Variants in PADI1 observed in about 807,000 individuals in gnomAD.
The protein encoded by PADI1 is peptidyl arginine deiminase 1.
A neutral mutation model predicts 74.8 loss-of-function variants in PADI1; 65 were observed. That is an observed-to-expected ratio of 0.87 (90% confidence interval 0.71 to 1.07). PADI1 has a LOEUF of 1.07. Among genes scored for constraint, PADI1 ranks in the 50% least tolerant of loss-of-function variants. PADI1 has a pLI of 0.00. For synonymous variants in PADI1, 371 were observed against 336.2 expected, an observed-to-expected ratio of 1.10 and a Z score of -1.13; for missense variants, 943 against 854.0, an observed-to-expected ratio of 1.10 and a Z score of -1.30.
At chr1:17,243,580 G>T (rs1244470564) in intron 15 of PADI1, among the ~76,000 whole-genome samples, 1 of 152,318 alleles carries the variant, frequency 6.6e-6, no homozygotes, top group East Asian at 1.9e-4. Context: ...GCTGTGCACA[G>T]CAAAAGCACA....
chr1:17,243,974 C>A, intron 15 of PADI1, 36 bp from the exon 16 acceptor site: 2 of 1,476,766 alleles, frequency 1.4e-6, no homozygotes, highest in South Asian at 2.4e-5. Flanking sequence ...GCACTTATAG[C>A]CAGACAGCCT....
chr1:17,220,852 C>T (rs2100439643), intron 1 of PADI1, among the ~76,000 whole-genome samples: 1 of 152,344 alleles, frequency 6.6e-6, no homozygotes, highest in East Asian at 1.9e-4. Flanking sequence ...GAATGAGATG[C>T]CACCCACAGA....
chr1:17,233,762 A>G (rs1337752720), intron 11 of PADI1, among the ~76,000 whole-genome samples: 1 of 152,180 alleles, frequency 6.6e-6, no homozygotes, highest in Non-Finnish European at 1.5e-5. Flanking sequence ...CTGGCTGACC[A>G]TCTGGTCTCC....
intron 10 of PADI1, among the ~76,000 whole-genome samples, 160 bp downstream of exon 10, chr1:17,230,839 G>A (rs796943160): frequency 6.6e-5 from 10 of 152,216 alleles, no homozygotes; most frequent in African/African-American, 1.9e-4. Context: ...GAGCCAGTGC[G>A]GAGTTTGGGC....
At chr1:17,225,306 A>G (rs1569799477) in intron 4 of PADI1, among the ~76,000 whole-genome samples, 1 of 152,064 alleles carries the variant, frequency 6.6e-6, no homozygotes, top group Non-Finnish European at 1.5e-5. Context: ...AGGCAGGGAG[A>G]GCTCCAGCCA....
chr1:17,214,254 C>T (rs1557451489), intron 1 of PADI1, among the ~76,000 whole-genome samples: 1 of 152,094 alleles, frequency 6.6e-6, no homozygotes, highest in African/African-American at 2.4e-5. Flanking sequence ...CAGTTGGAGG[C>T]CATGCTCCAC....
chr1:17,228,200 C>CA (rs1335178128), intron 6 of PADI1, among the ~76,000 whole-genome samples: 1 of 152,202 alleles, frequency 6.6e-6, no homozygotes. Context: ...CTATGTTACC[C>CA]AGGCTGGTCT....
rs1410431118 is a variant in PADI1, at chr1:17,228,985, G to A, written c.863G>A (p.Gly288Asp). The change falls in exon 8 of 16, where the codon GGC becomes GAC. Residue 288 changes from glycine to aspartate, a missense_variant. Transcript: ENST00000375471. ...GTGACCCTCTTCACAGACACTGTGG[G>A]CTTCCGCATGGCCCCCTGGATCATG... is the stretch of plus-strand genomic sequence containing the variant. Reference protein sequence around the residue: ...PEVTLFTDTVGFRMAPWIMTP... With the variant: ...PEVTLFTDTVDFRMAPWIMTP... The A allele has an allele frequency of 1.3e-6, 2 of 1,598,588 alleles. No homozygotes were observed. The highest frequency in any genetic ancestry group is 1.7e-5 in the Admixed American group (1 of 57,614).
chr1:17,242,286 CT>C (rs2072793255), intron 15 of PADI1, among the ~76,000 whole-genome samples: 1 of 152,054 alleles, frequency 6.6e-6, no homozygotes, highest in Non-Finnish European at 1.5e-5. Context: ...GCAGTGTTGT[CT>C]GTTAGAACAT....
At position 17,237,184 on chromosome 1, in the gene PADI1, G is replaced by T. The variant is rs963851056; in HGVS notation, c.1314-130G>T. 3.8e-6 allele frequency: 4 copies of T among 1,044,182 alleles called. No homozygotes were observed. The East Asian group carries it at 7.5e-5, about 19-fold the overall frequency. 64.7% of individuals were successfully genotyped at this position (1,044,182 alleles called of 1,614,324 possible). On this transcript the variant is annotated intron_variant, in intron 11 of 15. Transcript: ENST00000375471. The stretch of plus-strand genomic sequence containing the variant: ...TTCTCTGCTGTCTTGGCTTCTCCAC[G>T]CTCTACGCCCCACGTTTAAAGCGTT...
chr1:17,207,931 G>A (rs1186368449), intron 1 of PADI1, among the ~76,000 whole-genome samples: 1 of 152,232 alleles, frequency 6.6e-6, no homozygotes, highest in African/African-American at 2.4e-5. Flanking sequence ...GTCTGCGATG[G>A]GCAGGGAAAG....
intron 6 of PADI1, among the ~76,000 whole-genome samples, chr1:17,226,596 T>C (rs12024174): frequency 0.37 from 56,832 of 152,054 alleles, 10,961 homozygotes; most frequent in Admixed American, 0.52. Flanking sequence ...GTCTTTCTCA[T>C]CAGAGTTTTT....
chr1:17,226,116 C>A lies in PADI1; in HGVS notation c.610C>A (p.Pro204Thr), dbSNP rs370394605. ...FDSHKLVLNV[P>T]FSDSKRVRVF... ...CAGCCACAAGCTTGTCTTGAACGTG[C>A]CCTTTTCTGATTCCAAAAGAGTGAG... Residue 204 changes from proline to threonine, a missense_variant, in exon 6 of 16, where the codon CCC becomes ACC. Pro to Thr is a conservative substitution (Grantham distance 38, BLOSUM62 -1). Coordinates refer to ENST00000375471, the MANE Select transcript of PADI1 (RefSeq NM_013358.3). The A allele has an allele frequency of 5.3e-5, 85 of 1,614,072 alleles. No homozygotes were observed. The highest frequency in any genetic ancestry group is 6.7e-5 in the African/African-American group (5 of 74,918).
At chr1:17,209,790 G>A (rs76012833) in intron 1 of PADI1, among the ~76,000 whole-genome samples, 8,584 of 152,242 alleles carry the variant, frequency 0.056, 306 homozygotes, top group Middle Eastern at 0.1. Flanking sequence ...TTTCTTCGGA[G>A]TGACATCCCT....
At chr1:17,217,943 C>G (rs2072024771) in intron 1 of PADI1, among the ~76,000 whole-genome samples, 1 of 152,212 alleles carries the variant, frequency 6.6e-6, no homozygotes, top group African/African-American at 2.4e-5. Context: ...AAATGTTCCT[C>G]CAGGATTATC....
chr1:17,243,792 C>G (rs2072824490), intron 15 of PADI1, among the ~76,000 whole-genome samples: 2 of 151,992 alleles, frequency 1.3e-5, no homozygotes, highest in South Asian at 2.1e-4. Flanking sequence ...TCCTGGTAGT[C>G]CTGGCTGTTA....
In PADI1 at chr1:17,239,501, G is replaced by C. The variant is rs997090664; in HGVS notation, c.1553-203G>C. 9 of 541,816 alleles carry C rather than the reference G, an allele frequency of 1.7e-5. No individual in the cohort carries two copies. The Admixed American group carries it at 2.2e-4, about 13-fold the overall frequency. The allele number at this position is 541,816 out of a possible 1,614,324, so 33.6% of individuals were successfully genotyped here. On this transcript the variant is annotated intron_variant, in intron 13 of 15. Transcript: ENST00000375471. ...CCAAGTCCAGAGTCACTTCCTGAGG[G>C]GTTCCTTATCCATCACCAGGTTTTC...
At chr1:17,235,227 AAGGGAGGGAGGGAGGGAGAGTGGGAGGG>A (rs2072604333) in intron 11 of PADI1, among the ~76,000 whole-genome samples, 2 of 100,760 alleles carry the variant, frequency 2.0e-5, no homozygotes, top group African/African-American at 3.9e-5. Context: ...GGAAGGAAGG[AAGGGAGGGAGGGAGGGAGAGTGGGAGGG>A]AGGAAGGGAA....
At chr1:17,240,549 C>T in intron 14 of PADI1, 86 bp from the exon 15 acceptor site, 2 of 1,478,942 alleles carry the variant, frequency 1.4e-6, no homozygotes, top group South Asian at 1.2e-5. Flanking sequence ...GCCCAGAGGG[C>T]TCCACACGGG....
Sources: gnomAD v4.1 joint callset for allele counts (sites outside exome capture counted in the v4.1 genomes callset) on GRCh38, gnomAD v4.1.1 for gene constraint, MANE v1.5 for transcripts, NCBI Gene and HGNC (gene_info 2026-07-23, HGNC 2026-07-21) for gene names.